SYCP2: variants seen among roughly 807,000 people sequenced by gnomAD.
SYCP2 encodes synaptonemal complex lateral element protein.
SYCP2 carries 55 observed loss-of-function variants against 211.3 expected under a neutral mutation model. That is an observed-to-expected ratio of 0.26 (90% CI 0.21 to 0.33). SYCP2 has a LOEUF of 0.33. Ranked by LOEUF, SYCP2 falls within the 10% of genes least tolerant of loss-of-function variation. The pLI is 1.00. For synonymous variants in SYCP2, 570 were observed against 555.2 expected, an observed-to-expected ratio of 1.03 and a Z score of -0.37; for missense variants, 1,731 against 1,752.0, an observed-to-expected ratio of 0.99 and a Z score of 0.21.
At chr20:59,889,154 G>T (rs2059855275) in intron 24 of SYCP2, among the ~76,000 whole-genome samples, 1 of 151,960 alleles carries the variant, frequency 6.6e-6, no homozygotes, top group Admixed American at 6.6e-5. Flanking sequence ...TGTAATGGTA[G>T]ATATGTCACT....
intron 18 of SYCP2, among the ~76,000 whole-genome samples, chr20:59,896,729 A>T (rs2060016106): frequency 6.6e-6 from 1 of 152,170 alleles, no homozygotes; most frequent in Non-Finnish European, 1.5e-5. Flanking sequence ...TAAGTAGCTA[A>T]AACAAGTAAG....
chr20:59,889,466 TCCAATAG>T (rs372378964), intron 24 of SYCP2, among the ~76,000 whole-genome samples: 69 of 151,972 alleles, frequency 4.5e-4, no homozygotes, highest in African/African-American at 1.5e-3. Flanking sequence ...TTTAATAAAG[TCCAATAG>T]TATTCTTAAA....
intron 26 of SYCP2, among the ~76,000 whole-genome samples, chr20:59,884,906 AC>A (rs1348770549): frequency 1.3e-5 from 2 of 151,880 alleles, no homozygotes; most frequent in Non-Finnish European, 2.9e-5. Context: ...TTTAAAAGGT[AC>A]CAAAACACTC....
Position 59,911,856 on chromosome 20 carries a change from A to G in SYCP2, c.877-11T>C. 7.3e-7 allele frequency: 1 copy of G among 1,363,660 alleles called. No homozygotes were observed. Among genetic ancestry groups the G allele is most frequent in the Non-Finnish European group, 1.0e-6 (1 of 970,118 alleles). The allele number at this position is 1,363,660 out of a possible 1,614,324, so 84.5% of individuals were successfully genotyped here. On this transcript the variant is annotated splice_polypyrimidine_tract_variant and intron_variant, in intron 13 of 44. Transcript: ENST00000357552. Reference sequence around the variant, plus strand: ...TGATGGTATTTGCAGCTAATAAAATAAACATACAAAACTGGAATATACAAT... The same window carrying G: ...TGATGGTATTTGCAGCTAATAAAATGAACATACAAAACTGGAATATACAAT...
At chr20:59,932,402 G>A (rs1170957846) in intron 1 of SYCP2, among the ~76,000 whole-genome samples, 2 of 152,164 alleles carry the variant, frequency 1.3e-5, no homozygotes, top group African/African-American at 4.8e-5. Flanking sequence ...TAGGCCGGGC[G>A]AGGTGGCTCA....
intron 31 of SYCP2, among the ~76,000 whole-genome samples, chr20:59,879,759 A>G (rs969331225): frequency 3.4e-5 from 5 of 147,736 alleles, no homozygotes; most frequent in Non-Finnish European, 7.5e-5. Context: ...GTCTATATAA[A>G]TTCCTAAAAA....
At chr20:59,878,151 G>A (rs2145653317) in intron 31 of SYCP2, 106 bp from the exon 32 acceptor site, 1 of 843,968 alleles carries the variant, frequency 1.2e-6, no homozygotes, top group Non-Finnish European at 1.8e-6. Flanking sequence ...ATAAAAAGTA[G>A]TAAGTTTTTA....
rs543085945 is a variant in SYCP2, at chr20:59,881,847, T to G, written c.2658+98A>C. 1.8e-5 allele frequency: 16 copies of G among 887,580 alleles called. No individual in the cohort carries two copies. The Admixed American group carries it at 2.7e-4, about 15-fold the overall frequency. 55.0% of individuals were successfully genotyped at this position (887,580 alleles called of 1,614,324 possible). ...TATATTTCTTAAAAATTTTAAAGCA[T>G]ATGAGGATGCACATTAAAAACATTC... is the stretch of plus-strand genomic sequence containing the variant. On this transcript the variant is annotated intron_variant, in intron 28 of 44. Coordinates refer to ENST00000357552, the MANE Select transcript of SYCP2 (RefSeq NM_014258.4).
At chr20:59,868,374 A>C in intron 38 of SYCP2, 39 bp downstream of exon 38, 2 of 1,582,716 alleles carry the variant, frequency 1.3e-6, no homozygotes, top group Non-Finnish European at 1.7e-6. Flanking sequence ...ACCACCCTCC[A>C]AATAACTGCA....
At position 59,867,895 on chromosome 20, in the gene SYCP2, A is replaced by G. The variant is rs576921206; in HGVS notation, c.3989-48T>C. The G allele has an allele frequency of 1.6e-5, 23 of 1,428,626 alleles. No individual in the cohort carries two copies. The South Asian group carries it at 2.6e-4, about 16-fold the overall frequency. 88.5% of individuals were successfully genotyped at this position (1,428,626 alleles called of 1,614,324 possible). Reference sequence around the variant, plus strand: ...TGAAGTTAAAATATGCATTACTCTAAATTTAGCCTTGTAATTAGGCTAAGA... The same window carrying G: ...TGAAGTTAAAATATGCATTACTCTAGATTTAGCCTTGTAATTAGGCTAAGA... On this transcript the variant is annotated intron_variant, in intron 38 of 44. Transcript: ENST00000357552.
Position 59,863,729 on chromosome 20 carries a change from T to C in SYCP2, c.*582A>G, listed in dbSNP as rs939198287. ...CTGGTTATGAAATAGGACTTCTATA[T>C]TGAATTAACATATTTAGGCAATGTA... On this transcript the variant is annotated 3_prime_UTR_variant, in exon 45 of 45. Transcript: ENST00000357552. 1.3e-5 allele frequency: 2 copies of C among 151,988 alleles called. No homozygotes were observed. Among genetic ancestry groups the C allele is most frequent in the South Asian group, 2.1e-4 (1 of 4,834 alleles). The allele number at this position is 151,988 out of a possible 1,614,324, so 9.4% of individuals were successfully genotyped here. A position where few individuals can be genotyped will look rare whatever the true frequency, so the allele number is the denominator to read the frequency against.
At chr20:59,897,566 T>TA (rs1479157104) in intron 18 of SYCP2, among the ~76,000 whole-genome samples, 1 of 152,116 alleles carries the variant, frequency 6.6e-6, no homozygotes, top group Non-Finnish European at 1.5e-5. Flanking sequence ...TCAGCATTGT[T>TA]AATAAGCACC....
chr20:59,871,834 CTG>C (rs1341581697), intron 35 of SYCP2, among the ~76,000 whole-genome samples: 1 of 151,888 alleles, frequency 6.6e-6, no homozygotes, highest in African/African-American at 2.4e-5. Flanking sequence ...AAAAAAAAGT[CTG>C]TACATGTTCA....
chr20:59,883,838 GTATTA>G lies in SYCP2; in HGVS notation c.2530-1678_2530-1674del, dbSNP rs369138803. On this transcript the variant is annotated intron_variant, in intron 26 of 44. Coordinates refer to ENST00000357552, the MANE Select transcript of SYCP2 (RefSeq NM_014258.4). ...CACCAACTATATATAATACAGTATTGTATTATATAATAGTTTGTTGCACCAACCTA... is the reference window on the plus strand; with the variant it reads ...CACCAACTATATATAATACAGTATTGTATAATAGTTTGTTGCACCAACCTA... Among the ~76,000 whole-genome samples, 82 of 152,060 alleles carry G rather than the reference GTATTA, an allele frequency of 5.4e-4. 1 individual carries two copies. The South Asian group carries it at 0.016, about 30-fold the overall frequency.
At chr20:59,905,336 T>A (rs866660973) in intron 15 of SYCP2, among the ~76,000 whole-genome samples, 2 of 152,180 alleles carry the variant, frequency 1.3e-5, no homozygotes, top group African/African-American at 4.8e-5. Context: ...CATTTCATAA[T>A]AGCTAAAAAC....
At chr20:59,865,743 TAG>T (rs1234022116) in intron 42 of SYCP2, 62 bp downstream of exon 42, 8 of 1,094,912 alleles carry the variant, frequency 7.3e-6, no homozygotes, top group Non-Finnish European at 9.8e-6. Flanking sequence ...ATTTTTCAAA[TAG>T]AAATTTATTA....
At chr20:59,876,006 T>G (rs2059546672) in intron 33 of SYCP2, among the ~76,000 whole-genome samples, 1 of 151,690 alleles carries the variant, frequency 6.6e-6, no homozygotes, top group Admixed American at 6.6e-5. Context: ...TTTAGGGTCT[T>G]CCTTTGAAGA....
At chr20:59,911,485 A>C (rs2060325298) in intron 14 of SYCP2, among the ~76,000 whole-genome samples, 1 of 152,198 alleles carries the variant, frequency 6.6e-6, no homozygotes, top group African/African-American at 2.4e-5. Flanking sequence ...TAACTGTCAT[A>C]AATTAACATT....
In SYCP2 at chr20:59,871,262, C is replaced by G. The variant is rs373556920; in HGVS notation, c.3556-1279G>C. The stretch of plus-strand genomic sequence containing the variant: ...ATTGATGCAATGAGTCAGGAAAATG[C>G]AAATTAAAGACACAACTTTATGCTT... On this transcript the variant is annotated intron_variant, in intron 35 of 44. Transcript: ENST00000357552. Among the ~76,000 whole-genome samples, 5 of 151,902 alleles carry G rather than the reference C, an allele frequency of 3.3e-5. No homozygotes were observed. The East Asian group carries it at 9.7e-4, about 29-fold the overall frequency.
Sources: gnomAD v4.1 joint callset for allele counts (sites outside exome capture counted in the v4.1 genomes callset) on GRCh38, gnomAD v4.1.1 for gene constraint, MANE v1.5 for transcripts, NCBI Gene and HGNC (gene_info 2026-07-23, HGNC 2026-07-21) for gene names.